The following SLC1A2 variants were observed in gnomAD, a reference collection of about 807,000 sequenced individuals.
SLC1A2 encodes the protein solute carrier family 1 member 2.
Under a neutral mutation model 48.8 loss-of-function variants are expected in SLC1A2, and 15 were observed. That is an observed-to-expected ratio of 0.31 (90% CI 0.21 to 0.47). The LOEUF (loss-of-function observed/expected upper bound fraction) is 0.47, where lower values mean the gene tolerates loss of function less well. SLC1A2 is among the 20% of genes least tolerant of loss of function. The pLI, the probability that SLC1A2 is intolerant of heterozygous loss-of-function variation, is 0.99. For missense variants in SLC1A2, 502 were observed against 730.5 expected, an observed-to-expected ratio of 0.69 and a Z score of 3.61; for synonymous variants, 279 against 272.6, an observed-to-expected ratio of 1.02 and a Z score of -0.23.
intron 3 of SLC1A2, 178 bp downstream of exon 3, chr11:35,314,845 C>T (rs1307831158): frequency 2.5e-6 from 1 of 407,036 alleles, no homozygotes; most frequent in Non-Finnish European, 4.4e-6. Flanking sequence ...TAATCGATGG[C>T]AAGCTTTTAT....
chr11:35,391,087 G>A (rs909233381), intron 1 of SLC1A2: 8 of 152,286 alleles, frequency 5.3e-5, no homozygotes, highest in East Asian at 1.9e-4. Flanking sequence ...GGATGATCAC[G>A]AGCAGGGTCA....
chr11:35,280,674 G>T, intron 9 of SLC1A2, 193 bp downstream of exon 9: 3 of 524,588 alleles, frequency 5.7e-6, no homozygotes, highest in Non-Finnish European at 6.8e-6. Context: ...AGACTGTGAC[G>T]CCTTCAAATA....
chr11:35,356,672 G>A (rs1853480633), intron 1 of SLC1A2, among the ~76,000 whole-genome samples: 1 of 152,192 alleles, frequency 6.6e-6, no homozygotes, highest in African/African-American at 2.4e-5. Flanking sequence ...GTTTACGCTT[G>A]TCTTGAAACA....
chr11:35,264,662 T>C lies in SLC1A2; in HGVS notation c.1653+865A>G, dbSNP rs560215332. ...GCACAGCCAGGCATTGTCTGAGATGTAGTGTTTTTAAAAAGACATTTCTGG... is the reference window on the plus strand; with the variant it reads ...GCACAGCCAGGCATTGTCTGAGATGCAGTGTTTTTAAAAAGACATTTCTGG... On this transcript the variant is annotated intron_variant, in intron 10 of 10. Coordinates refer to ENST00000278379, the MANE Select transcript of SLC1A2 (RefSeq NM_004171.4). 1.4e-3 allele frequency among the ~76,000 whole-genome samples: 219 copies of C among 152,328 alleles called. 2 individuals are homozygous for C. Among genetic ancestry groups the C allele is most frequent in the Non-Finnish European group, 2.8e-3 (192 of 68,028 alleles).
rs1415426241 is a variant in SLC1A2 at position 35,260,652 on chromosome 11, C to T, written c.*242G>A. On this transcript the variant is annotated 3_prime_UTR_variant, in exon 11 of 11. Coordinates refer to ENST00000278379, the MANE Select transcript of SLC1A2 (RefSeq NM_004171.4). ...CAATTCCAACTGATTCCTCCAGCAGCATCCATTCAAATAATAATACAAGTG... is the reference window on the plus strand; with the variant it reads ...CAATTCCAACTGATTCCTCCAGCAGTATCCATTCAAATAATAATACAAGTG... The T allele has an allele frequency of 8.3e-6, 4 of 480,644 alleles. No homozygotes were observed. The highest frequency in any genetic ancestry group is 7.0e-5 in the Admixed American group (2 of 28,440). The allele number at this position is 480,644 out of a possible 1,614,324, so 29.8% of individuals were successfully genotyped here.
chr11:35,388,096 C>T, intron 1 of SLC1A2, among the ~76,000 whole-genome samples: 1 of 152,180 alleles, frequency 6.6e-6, no homozygotes, highest in East Asian at 1.9e-4. Flanking sequence ...TGCCTGAATC[C>T]AAAGACTGTG....
rs116456172 is a variant in SLC1A2 at position 35,348,040 on chromosome 11, C to T, written c.18-30524G>A. ...CCAAGCTCCATGTGACAAGTCTGGG[C>T]GGCACCTGGGTTGAATTCAGGCCTT... On this transcript the variant is annotated intron_variant, in intron 1 of 10. Coordinates refer to ENST00000278379, the MANE Select transcript of SLC1A2 (RefSeq NM_004171.4). 2.9e-3 allele frequency among the ~76,000 whole-genome samples: 439 copies of T among 152,324 alleles called. 3 individuals are homozygous for T. The highest frequency in any genetic ancestry group is 0.01 in the African/African-American group (418 of 41,572).
chr11:35,366,994 C>T (rs1375154975), intron 1 of SLC1A2, among the ~76,000 whole-genome samples: 1 of 152,250 alleles, frequency 6.6e-6, no homozygotes, highest in East Asian at 1.9e-4. Flanking sequence ...CTGACTAATA[C>T]AGGGCTTCTC....
chr11:35,306,688 C>A (rs1208584718), intron 4 of SLC1A2, among the ~76,000 whole-genome samples: 2 of 152,124 alleles, frequency 1.3e-5, no homozygotes, highest in South Asian at 4.2e-4. Flanking sequence ...CTTCCCCTTT[C>A]CCCCCACTCA....
At chr11:35,325,746 T>C (rs1319874798) in intron 1 of SLC1A2, among the ~76,000 whole-genome samples, 1 of 152,116 alleles carries the variant, frequency 6.6e-6, no homozygotes, top group Non-Finnish European at 1.5e-5. Flanking sequence ...GTAGATTGCC[T>C]GAGGTCAGGA....
At chr11:35,273,511 G>C (rs1850346016) in intron 9 of SLC1A2, among the ~76,000 whole-genome samples, 1 of 152,054 alleles carries the variant, frequency 6.6e-6, no homozygotes, top group Non-Finnish European at 1.5e-5. Context: ...TGTCAACCAA[G>C]AGGTCCTCCA....
In SLC1A2 at chr11:35,383,691, T is replaced by C. The variant is rs773196503; in HGVS notation, c.17+35259A>G. Among the ~76,000 whole-genome samples, 29 of 152,244 alleles carry C rather than the reference T, an allele frequency of 1.9e-4. 1 individual carries two copies. Among genetic ancestry groups the C allele is most frequent in the East Asian group, 1.9e-4 (1 of 5,206 alleles). On this transcript the variant is annotated intron_variant, in intron 1 of 10. Coordinates refer to ENST00000278379, the MANE Select transcript of SLC1A2 (RefSeq NM_004171.4). ...ACAATGCCTGGCATAGAACAGGTTC[T>C]ATATAAGTTGTTGCTATCATTATGG... is the stretch of plus-strand genomic sequence containing the variant.
chr11:35,251,410 T>C lies in SLC1A2; in HGVS notation c.*9484A>G, dbSNP rs1950236602. On this transcript the variant is annotated 3_prime_UTR_variant, in exon 11 of 11. Transcript: ENST00000278379. ...AAGACCTCAACTACCCAAAATGTGCTTCATCAACAAGGCATTTTCTAGTAG... is the reference window on the plus strand; with the variant it reads ...AAGACCTCAACTACCCAAAATGTGCCTCATCAACAAGGCATTTTCTAGTAG... The C allele has an allele frequency of 6.6e-6, 1 of 152,646 alleles. No individual in the cohort carries two copies. Among genetic ancestry groups the C allele is most frequent in the Non-Finnish European group, 1.5e-5 (1 of 68,030 alleles). The allele number at this position is 152,646 out of a possible 1,614,324, so 9.5% of individuals were successfully genotyped here. A position where few individuals can be genotyped will look rare whatever the true frequency, so the allele number is the denominator to read the frequency against.
intron 1 of SLC1A2, among the ~76,000 whole-genome samples, chr11:35,365,508 A>T (rs1326424726): frequency 1.3e-5 from 2 of 152,096 alleles, no homozygotes; most frequent in Non-Finnish European, 2.9e-5. Flanking sequence ...CCAAAGTAAC[A>T]CATGCCATTT....
intron 1 of SLC1A2, among the ~76,000 whole-genome samples, chr11:35,341,264 G>C (rs980739582): frequency 6.6e-6 from 1 of 152,234 alleles, no homozygotes; most frequent in African/African-American, 2.4e-5. Flanking sequence ...CGAGACTTAA[G>C]ATCGAGGAAA....
chr11:35,260,989 C>T, intron 10 of SLC1A2, 24 bp from the exon 11 acceptor site: 1 of 1,593,694 alleles, frequency 6.3e-7, no homozygotes, highest in East Asian at 2.2e-5. Flanking sequence ...TCATCAACAT[C>T]CAGCTTACAG....
At chr11:35,282,319 C>T (rs890053552) in intron 8 of SLC1A2, among the ~76,000 whole-genome samples, 1 of 152,120 alleles carries the variant, frequency 6.6e-6, no homozygotes, top group African/African-American at 2.4e-5. Flanking sequence ...GTTGAACAAC[C>T]TGAGTTCAAA....
At chr11:35,416,721 G>A (rs985593119) in intron 1 of SLC1A2, among the ~76,000 whole-genome samples, 3 of 152,138 alleles carry the variant, frequency 2.0e-5, no homozygotes, top group African/African-American at 7.2e-5. Context: ...TATGTTTCAA[G>A]GAAACAATTT....
At chr11:35,399,202 C>T (rs574488367) in intron 1 of SLC1A2, among the ~76,000 whole-genome samples, 1 of 152,138 alleles carries the variant, frequency 6.6e-6, no homozygotes, top group African/African-American at 2.4e-5. Flanking sequence ...TTCCTCTTGC[C>T]CCTACCCTGC....
Sources: gnomAD v4.1 joint callset for allele counts (sites outside exome capture counted in the v4.1 genomes callset) on GRCh38, gnomAD v4.1.1 for gene constraint, MANE v1.5 for transcripts, NCBI Gene and HGNC (gene_info 2026-07-23, HGNC 2026-07-21) for gene names.